The following DPYD variants were observed in gnomAD, a reference collection of about 807,000 sequenced individuals.
The protein encoded by DPYD is dihydropyrimidine dehydrogenase, also known as dihydropyrimidine dehydrogenase [NADP(+)].
In DPYD, 109 loss-of-function variants were observed where a neutral mutation model predicts 116.2. That is an observed-to-expected ratio of 0.94 (90% CI 0.80 to 1.10). DPYD has a LOEUF of 1.10. DPYD is among the 50% of genes least tolerant of loss of function. The probability of loss-of-function intolerance (pLI) is 0.00; values close to 1 mark genes in which losing one functional copy is unlikely to be tolerated. For synonymous variants in DPYD, 440 were observed against 432.0 expected (o/e 1.02, Z -0.23); for missense variants, 1,302 against 1,254.5 (o/e 1.04, Z -0.57).
At chr1:97,920,013 T>A (rs1674425172) in intron 1 of DPYD, among the ~76,000 whole-genome samples, 2 of 152,128 alleles carry the variant, frequency 1.3e-5, no homozygotes, top group Non-Finnish European at 2.9e-5. Flanking sequence ...CACACACACA[T>A]AATTTTCTAC....
At chr1:97,262,682 A>G (rs1256178719) in intron 18 of DPYD, among the ~76,000 whole-genome samples, 1 of 152,130 alleles carries the variant, frequency 6.6e-6, no homozygotes, top group Non-Finnish European at 1.5e-5. Flanking sequence ...AGCTATATAA[A>G]GAACAATATA....
intron 10 of DPYD, among the ~76,000 whole-genome samples, chr1:97,583,879 T>C (rs1653887430): frequency 6.6e-6 from 1 of 152,166 alleles, no homozygotes; most frequent in African/African-American, 2.4e-5. Context: ...AACATACATG[T>C]GCATGTGTCT....
chr1:97,317,701 G>A (rs1667943228), intron 16 of DPYD, among the ~76,000 whole-genome samples: 1 of 151,920 alleles, frequency 6.6e-6, no homozygotes, highest in African/African-American at 2.4e-5. Context: ...ACACAGGGAG[G>A]AAGCTAGTGT....
intron 20 of DPYD, among the ~76,000 whole-genome samples, chr1:97,102,459 T>TTATC (rs1236741247): frequency 0.23 from 28,982 of 124,672 alleles, 3,609 homozygotes; most frequent in East Asian, 0.33. Flanking sequence ...CTGAAATCTA[T>TTATC]TATCTATCTA....
chr1:97,590,799 G>T (rs1654452118), intron 10 of DPYD, among the ~76,000 whole-genome samples: 1 of 152,114 alleles, frequency 6.6e-6, no homozygotes, highest in Non-Finnish European at 1.5e-5. Flanking sequence ...TTAACCAATA[G>T]CTCACTCTTT....
At chr1:97,809,344 C>G (rs1214661534) in intron 3 of DPYD, among the ~76,000 whole-genome samples, 2 of 152,152 alleles carry the variant, frequency 1.3e-5, no homozygotes, top group Non-Finnish European at 2.9e-5. Context: ...GCCTGTGATT[C>G]TCATTTAATT....
At chr1:97,543,548 G>T (rs527581954) in intron 12 of DPYD, among the ~76,000 whole-genome samples, 1 of 152,162 alleles carries the variant, frequency 6.6e-6, no homozygotes, top group East Asian at 1.9e-4. Context: ...GCTATTCAAT[G>T]TTACCTTTTC....
chr1:97,896,743 C>G (rs998828198), intron 1 of DPYD, among the ~76,000 whole-genome samples: 1 of 151,866 alleles, frequency 6.6e-6, no homozygotes, highest in Non-Finnish European at 1.5e-5. Flanking sequence ...CACCATTAAT[C>G]TACTTTCTAA....
intron 8 of DPYD, among the ~76,000 whole-genome samples, chr1:97,647,698 T>C (rs192613893): frequency 1.3e-5 from 2 of 152,138 alleles, no homozygotes; most frequent in East Asian, 1.9e-4. Flanking sequence ...TATATCTGCA[T>C]AGTATCTTTG....
intron 16 of DPYD, among the ~76,000 whole-genome samples, chr1:97,328,043 T>C (rs1668795342): frequency 6.6e-6 from 1 of 151,742 alleles, no homozygotes; most frequent in Admixed American, 6.6e-5. Flanking sequence ...ATGAAGGAGA[T>C]ATAAGTGGGT....
intron 3 of DPYD, among the ~76,000 whole-genome samples, chr1:97,773,184 T>A (rs12126850): frequency 0.034 from 5,155 of 152,282 alleles, 132 homozygotes; most frequent in Non-Finnish European, 0.055. Flanking sequence ...CTTACATCAA[T>A]CCTGGGAGGC....
chr1:97,653,855 G>C (rs1571135325), intron 8 of DPYD, among the ~76,000 whole-genome samples: 2 of 152,126 alleles, frequency 1.3e-5, no homozygotes, highest in East Asian at 3.9e-4. Context: ...TTTAACAAAG[G>C]ATAAACATAA....
intron 4 of DPYD, among the ~76,000 whole-genome samples, chr1:97,727,700 A>G (rs543947120): frequency 2.0e-5 from 3 of 151,976 alleles, no homozygotes; most frequent in African/African-American, 7.2e-5. Flanking sequence ...ACTTTGAAGA[A>G]ATGGTAGATA....
At position 97,552,403 on chromosome 1, in the gene DPYD, A is replaced by G. The variant is rs186538432; in HGVS notation, c.1340-2659T>C. 2.6e-4 allele frequency among the ~76,000 whole-genome samples: 40 copies of G among 152,250 alleles called. 1 individual carries two copies. Among genetic ancestry groups the G allele is most frequent in the South Asian group, 1.2e-3 (6 of 4,828 alleles). ...ACTCCACCTGTCACAAACTCGGTCCATAAGTAGTCAGGAAATGTTACTCTG... is the reference window on the plus strand; with the variant it reads ...ACTCCACCTGTCACAAACTCGGTCCGTAAGTAGTCAGGAAATGTTACTCTG... On this transcript the variant is annotated intron_variant, in intron 11 of 22. Transcript: ENST00000370192.
chr1:97,854,770 C>T (rs187177857), intron 2 of DPYD, among the ~76,000 whole-genome samples: 1 of 152,228 alleles, frequency 6.6e-6, no homozygotes, highest in African/African-American at 2.4e-5. Flanking sequence ...TCAAGACCAG[C>T]CAAATACAAA....
chr1:97,763,679 T>TA (rs1477160674), intron 3 of DPYD, among the ~76,000 whole-genome samples: 22 of 152,174 alleles, frequency 1.4e-4, no homozygotes, highest in African/African-American at 5.3e-4. Flanking sequence ...AGTTCTTGCA[T>TA]AGGGGTAAAA....
At chr1:97,559,763 C>A (rs1464392383) in intron 11 of DPYD, among the ~76,000 whole-genome samples, 2 of 151,802 alleles carry the variant, frequency 1.3e-5, no homozygotes, top group Admixed American at 6.6e-5. Flanking sequence ...AGTATAGTTT[C>A]TTTATATAGA....
intron 2 of DPYD, among the ~76,000 whole-genome samples, chr1:97,852,595 C>T (rs1310836607): frequency 1.3e-5 from 2 of 152,078 alleles, no homozygotes; most frequent in Non-Finnish European, 2.9e-5. Flanking sequence ...GCATTTTTAT[C>T]AGTGATTTCC....
chr1:97,637,160 C>A (rs569644750), intron 8 of DPYD, among the ~76,000 whole-genome samples: 2 of 152,180 alleles, frequency 1.3e-5, no homozygotes, highest in African/African-American at 4.8e-5. Context: ...TACCATAAAT[C>A]CTCTCTTCAG....
Sources: gnomAD v4.1 joint callset for allele counts (sites outside exome capture counted in the v4.1 genomes callset) on GRCh38, gnomAD v4.1.1 for gene constraint, MANE v1.5 for transcripts, NCBI Gene and HGNC (gene_info 2026-07-23, HGNC 2026-07-21) for gene names.